NLGN1: variants seen among roughly 807,000 people sequenced by gnomAD.
NLGN1 encodes neuroligin 1.
A neutral mutation model predicts 65.5 loss-of-function variants in NLGN1; 12 were observed. That is an observed-to-expected ratio of 0.18 (90% CI 0.12 to 0.30). The LOEUF is 0.30. Among genes scored for constraint, NLGN1 ranks in the 10% least tolerant of loss-of-function variants. The pLI, the probability that NLGN1 is intolerant of heterozygous loss-of-function variation, is 1.00. For missense variants in NLGN1, 750 were observed against 1,007.1 expected (o/e 0.74, Z 3.46); for synonymous variants, 350 against 359.5 (o/e 0.97, Z 0.30).
rs1277203032 is a variant in NLGN1 at position 173,953,503 on chromosome 3, ACT to A, written c.646+145672_646+145673del. On this transcript the variant is annotated intron_variant, in intron 4 of 6. Coordinates refer to ENST00000457714, the Ensembl canonical transcript of NLGN1. ...CCTGATTAATGGTAGACAGTCCTGG[ACT>A]GCCTGAGGCCATTTTATTTATTTAT... 2.6e-5 allele frequency among the ~76,000 whole-genome samples: 4 copies of A among 152,170 alleles called. No individual in the cohort carries two copies. In the South Asian group the frequency reaches 8.3e-4, roughly 32 times the overall value.
At chr3:174,102,698 T>C (rs868224199) in intron 4 of NLGN1, among the ~76,000 whole-genome samples, 1 of 152,196 alleles carries the variant, frequency 6.6e-6, no homozygotes, top group Non-Finnish European at 1.5e-5. Context: ...TTGGATGGCC[T>C]TGATAGTGTT....
In NLGN1 at chr3:173,420,452, C is replaced by G. The variant is rs554239649; in HGVS notation, c.-389-14558C>G. Among the ~76,000 whole-genome samples the G allele has an allele frequency of 2.0e-5, 3 of 152,140 alleles. No individual in the cohort carries two copies. In the South Asian group the frequency reaches 6.2e-4, roughly 32 times the overall value. ...AAAGTATTCCATGGTGTATATGTGCCACATTTTCTTAATCCAGTCTATCAT... is the reference window on the plus strand; with the variant it reads ...AAAGTATTCCATGGTGTATATGTGCGACATTTTCTTAATCCAGTCTATCAT... On this transcript the variant is annotated intron_variant, in intron 1 of 6. Coordinates refer to ENST00000457714, the Ensembl canonical transcript of NLGN1.
chr3:173,495,335 G>C (rs1353110340), intron 2 of NLGN1, among the ~76,000 whole-genome samples: 1 of 151,384 alleles, frequency 6.6e-6, no homozygotes, highest in Non-Finnish European at 1.5e-5. Flanking sequence ...CATTAATATT[G>C]TGATATTTGA....
intron 4 of NLGN1, among the ~76,000 whole-genome samples, chr3:174,056,336 A>AT (rs202218536): frequency 6.6e-6 from 1 of 151,808 alleles, no homozygotes; most frequent in Non-Finnish European, 1.5e-5. Context: ...ATGTAGGCTG[A>AT]TTTTTTTTAA....
At chr3:173,880,534 A>T (rs940253335) in intron 4 of NLGN1, among the ~76,000 whole-genome samples, 1 of 151,452 alleles carries the variant, frequency 6.6e-6, no homozygotes, top group African/African-American at 2.4e-5. Context: ...CGTTTACCCT[A>T]TACTGTTGTC....
chr3:173,439,501 C>A (rs1310637165), intron 2 of NLGN1, among the ~76,000 whole-genome samples: 3 of 147,772 alleles, frequency 2.0e-5, no homozygotes, highest in Non-Finnish European at 4.5e-5. Context: ...AAGTTTATTT[C>A]TTATTGTTAA....
At chr3:173,820,933 C>A (rs991965734) in intron 4 of NLGN1, among the ~76,000 whole-genome samples, 10 of 152,076 alleles carry the variant, frequency 6.6e-5, no homozygotes, top group African/African-American at 2.4e-4. Context: ...TTTAACTTTG[C>A]CTTTTGATAC....
chr3:173,821,978 A>G (rs1488966508), intron 4 of NLGN1, among the ~76,000 whole-genome samples: 1 of 152,110 alleles, frequency 6.6e-6, no homozygotes, highest in Admixed American at 6.5e-5. Context: ...TAATTCTCAA[A>G]ATATTTTCCA....
chr3:173,709,922 G>C (rs556960465), intron 3 of NLGN1, among the ~76,000 whole-genome samples: 3 of 151,234 alleles, frequency 2.0e-5, no homozygotes, highest in Non-Finnish European at 4.4e-5. Flanking sequence ...ATGCTTTTCA[G>C]TACTTTTGTA....
At chr3:173,727,588 C>G (rs557837975) in intron 3 of NLGN1, among the ~76,000 whole-genome samples, 1 of 152,180 alleles carries the variant, frequency 6.6e-6, no homozygotes, top group South Asian at 2.1e-4. Flanking sequence ...GGTTGGAATT[C>G]ACTCTAGCAA....
At chr3:173,676,292 A>G (rs979410396) in intron 3 of NLGN1, among the ~76,000 whole-genome samples, 3 of 152,104 alleles carry the variant, frequency 2.0e-5, no homozygotes, top group African/African-American at 7.2e-5. Flanking sequence ...CAGGCAGATC[A>G]ACGGGACTGG....
chr3:173,451,290 C>A (rs950647248), intron 2 of NLGN1, among the ~76,000 whole-genome samples: 4 of 152,306 alleles, frequency 2.6e-5, no homozygotes, highest in African/African-American at 9.6e-5. Flanking sequence ...TCAGGACCCT[C>A]AGCTGCAGGT....
chr3:173,820,178 CGAA>C (rs772324942), intron 4 of NLGN1, among the ~76,000 whole-genome samples: 1 of 22,874 alleles, frequency 4.4e-5, no homozygotes, highest in Non-Finnish European at 9.5e-5. Context: ...GATTCAGTCT[CGAA>C]AAAAAAAAAA....
chr3:173,800,994 C>T (rs1331474412), intron 3 of NLGN1, among the ~76,000 whole-genome samples: 1 of 151,866 alleles, frequency 6.6e-6, no homozygotes, highest in Non-Finnish European at 1.5e-5. Flanking sequence ...GTATTCTGGA[C>T]TCCTGTAGTA....
intron 4 of NLGN1, among the ~76,000 whole-genome samples, chr3:173,906,338 TCTC>T (rs1251302558): frequency 6.6e-6 from 1 of 152,206 alleles, no homozygotes; most frequent in Non-Finnish European, 1.5e-5. Context: ...TGAAATCTGA[TCTC>T]TTCTACTTTG....
intron 3 of NLGN1, among the ~76,000 whole-genome samples, chr3:173,670,504 A>G (rs951587106): frequency 1.3e-5 from 2 of 152,152 alleles, no homozygotes; most frequent in African/African-American, 4.8e-5. Context: ...CCATTTGCTA[A>G]TTATAAGTTA....
At chr3:173,834,710 G>A (rs1335355139) in intron 4 of NLGN1, among the ~76,000 whole-genome samples, 1 of 152,132 alleles carries the variant, frequency 6.6e-6, no homozygotes, top group Non-Finnish European at 1.5e-5. Context: ...CATCAGAAAA[G>A]TTAAGCAACT....
At chr3:173,755,248 A>G (rs1288656359) in intron 3 of NLGN1, among the ~76,000 whole-genome samples, 1 of 152,094 alleles carries the variant, frequency 6.6e-6, no homozygotes, top group Non-Finnish European at 1.5e-5. Context: ...CTGATGTTAT[A>G]TTGGTATAAT....
At chr3:173,473,616 C>A (rs781748385) in intron 2 of NLGN1, among the ~76,000 whole-genome samples, 1 of 152,162 alleles carries the variant, frequency 6.6e-6, no homozygotes, top group Non-Finnish European at 1.5e-5. Flanking sequence ...TTTCAGAAAA[C>A]TCTTTCTTTT....
Sources: allele counts gnomAD v4.1 joint callset (sites outside exome capture counted in the v4.1 genomes callset), GRCh38; gene constraint gnomAD v4.1.1; transcripts MANE v1.5; gene names NCBI Gene and HGNC (gene_info 2026-07-23, HGNC 2026-07-21).